The following ALCAM variants were observed in gnomAD, a reference collection of about 807,000 sequenced individuals.
ALCAM encodes the protein activated leukocyte cell adhesion molecule, also known as CD166 antigen.
A neutral mutation model predicts 70.9 loss-of-function variants in ALCAM; 30 were observed. The ratio of observed to expected loss-of-function variants is 0.42; its 90% CI spans 0.32 to 0.57. The LOEUF is 0.57. Ranked by LOEUF, ALCAM falls within the 20% of genes least tolerant of loss-of-function variation. The pLI, the probability that ALCAM is intolerant of heterozygous loss-of-function variation, is 0.11. For missense variants in ALCAM, 591 were observed against 695.1 expected (o/e 0.85, Z 1.68); for synonymous variants, 249 against 242.5 (o/e 1.03, Z -0.25).
intron 2 of ALCAM, among the ~76,000 whole-genome samples, chr3:105,521,870 G>A (rs969250888): frequency 2.6e-5 from 4 of 152,152 alleles, no homozygotes; most frequent in African/African-American, 7.2e-5. Flanking sequence ...CAGTTCACTC[G>A]AGGTAACTTT....
At chr3:105,478,376 T>G (rs1049116258) in intron 1 of ALCAM, among the ~76,000 whole-genome samples, 8 of 152,140 alleles carry the variant, frequency 5.3e-5, no homozygotes, top group African/African-American at 1.9e-4. Flanking sequence ...TACAGAATTT[T>G]ATGCATTGCC....
intron 1 of ALCAM, among the ~76,000 whole-genome samples, chr3:105,516,730 A>G (rs1213815739): frequency 1.3e-5 from 2 of 152,128 alleles, no homozygotes; most frequent in African/African-American, 4.8e-5. Flanking sequence ...TTCTAGTCCA[A>G]TTTAAAGTTT....
chr3:105,372,935 A>G (rs1320362508), intron 1 of ALCAM, among the ~76,000 whole-genome samples: 1 of 152,130 alleles, frequency 6.6e-6, no homozygotes, highest in Non-Finnish European at 1.5e-5. Context: ...TACTATGACC[A>G]TGGCAATTGC....
In ALCAM at chr3:105,576,240, T is replaced by G. The variant is rs1314761491; in HGVS notation, c.*1789T>G. ...AAAGTAAAAGGGGAAAAACCAAAGT[T>G]ATTTGTTTTGCATGGCTAAGCCATT... is the stretch of plus-strand genomic sequence containing the variant. On this transcript the variant is annotated 3_prime_UTR_variant, in exon 16 of 16. Coordinates refer to ENST00000306107, the MANE Select transcript of ALCAM (RefSeq NM_001627.4). 2 of 152,614 alleles carry G rather than the reference T, an allele frequency of 1.3e-5. No homozygotes were observed. Among genetic ancestry groups the G allele is most frequent in the East Asian group, 3.8e-4 (2 of 5,196 alleles). The allele number at this position is 152,614 out of a possible 1,614,324, so 9.5% of individuals were successfully genotyped here.
chr3:105,492,353 A>C (rs571110464), intron 1 of ALCAM, among the ~76,000 whole-genome samples: 25 of 152,358 alleles, frequency 1.6e-4, no homozygotes, highest in African/African-American at 6.0e-4. Flanking sequence ...TATCACATCT[A>C]AACCAGAAAT....
intron 3 of ALCAM, among the ~76,000 whole-genome samples, chr3:105,529,384 A>G (rs1939783495): frequency 6.6e-6 from 1 of 152,146 alleles, no homozygotes; most frequent in Non-Finnish European, 1.5e-5. Flanking sequence ...CACATAGACT[A>G]TTTTTTAACA....
chr3:105,469,835 G>A (rs1227376073), intron 1 of ALCAM, among the ~76,000 whole-genome samples: 1 of 150,702 alleles, frequency 6.6e-6, no homozygotes, highest in African/African-American at 2.4e-5. Flanking sequence ...CCCAATTGTA[G>A]TCGTAAAGGA....
At chr3:105,399,190 G>T (rs2107367753) in intron 1 of ALCAM, among the ~76,000 whole-genome samples, 1 of 152,138 alleles carries the variant, frequency 6.6e-6, no homozygotes, top group East Asian at 1.9e-4. Context: ...AAATTATTCA[G>T]ATATAGTTCA....
Position 105,395,132 on chromosome 3 carries a change from T to G in ALCAM, c.73+27651T>G, listed in dbSNP as rs910739702. ...ATGTATGATTTGACTTTTCATCAAA[T>G]GACCGCCCTGCCAACTTATTAACAA... On this transcript the variant is annotated intron_variant, in intron 1 of 15. Coordinates refer to ENST00000306107, the MANE Select transcript of ALCAM (RefSeq NM_001627.4). Among the ~76,000 whole-genome samples the G allele has an allele frequency of 3.9e-5, 6 of 151,926 alleles. No homozygotes were observed. In the East Asian group the frequency reaches 9.7e-4, roughly 25 times the overall value.
chr3:105,455,320 T>A (rs955245308), intron 1 of ALCAM, among the ~76,000 whole-genome samples: 1 of 151,368 alleles, frequency 6.6e-6, no homozygotes, highest in African/African-American at 2.4e-5. Context: ...CGGGCGCCTG[T>A]GGTCCCAGCT....
At chr3:105,486,469 A>G (rs1272023316) in intron 1 of ALCAM, among the ~76,000 whole-genome samples, 1 of 152,138 alleles carries the variant, frequency 6.6e-6, no homozygotes, top group Admixed American at 6.6e-5. Context: ...TTATCTTTAT[A>G]TTGTACTTAA....
At chr3:105,426,291 G>T (rs1053476212) in intron 1 of ALCAM, among the ~76,000 whole-genome samples, 1 of 151,744 alleles carries the variant, frequency 6.6e-6, no homozygotes, top group Non-Finnish European at 1.5e-5. Flanking sequence ...TATTTTTAAG[G>T]TTGTTGGTAC....
chr3:105,520,113 C>G lies in ALCAM; in HGVS notation c.120C>G (p.Ile40Met). The G allele has an allele frequency of 1.2e-6, 2 of 1,613,120 alleles. No individual in the cohort carries two copies. The highest frequency in any genetic ancestry group is 1.7e-6 in the Non-Finnish European group (2 of 1,179,440). The change falls in exon 2 of 16, where the codon ATC becomes ATG. Residue 40 changes from isoleucine (I) to methionine (M), a missense_variant. Coordinates refer to ENST00000306107, the MANE Select transcript of ALCAM (RefSeq NM_001627.4). ...TVNSAYGDTI[I>M]IPCRLDVPQN... ...ATTCAGCATATGGAGATACCATTAT[C>G]ATACCTTGCCGACTTGACGTACCTC...
At chr3:105,433,098 C>T (rs75806162) in intron 1 of ALCAM, among the ~76,000 whole-genome samples, 526 of 152,190 alleles carry the variant, frequency 3.5e-3, no homozygotes, top group African/African-American at 0.012. Context: ...CTTTCAGAGA[C>T]AATGAAAACT....
Position 105,552,162 on chromosome 3 carries a change from A to G in ALCAM, c.1526A>G (p.Asp509Gly). The change falls in exon 13 of 16, where the codon GAT becomes GGT. Residue 509 changes from aspartate (D) to glycine (G), a missense_variant. Transcript: ENST00000306107. ...ATTTCAGTAAGTATTCCAGAACACGATGAGGCAGACGAGATAAGTGGTAGG... is the reference window on the plus strand; with the variant it reads ...ATTTCAGTAAGTATTCCAGAACACGGTGAGGCAGACGAGATAAGTGGTAGG... The part of the protein sequence containing the change: ...NVSAISIPEH[D>G]EADEISDENR... 6.2e-7 allele frequency: 1 copy of G among 1,602,736 alleles called. No individual in the cohort carries two copies. Among genetic ancestry groups the G allele is most frequent in the South Asian group, 1.1e-5 (1 of 88,796 alleles).
intron 1 of ALCAM, among the ~76,000 whole-genome samples, chr3:105,507,517 A>G (rs895638967): frequency 1.3e-5 from 2 of 152,120 alleles, no homozygotes; most frequent in Non-Finnish European, 2.9e-5. Flanking sequence ...TTGGAATCAT[A>G]CAGTATTTAG....
At chr3:105,555,842 G>A (rs760814299) in intron 14 of ALCAM, among the ~76,000 whole-genome samples, 2 of 151,822 alleles carry the variant, frequency 1.3e-5, no homozygotes, top group Non-Finnish European at 2.9e-5. Flanking sequence ...AAGGACTCAT[G>A]ACTTTTTTGC....
chr3:105,539,353 T>C (rs944379759), intron 6 of ALCAM, among the ~76,000 whole-genome samples: 4 of 152,068 alleles, frequency 2.6e-5, no homozygotes, highest in Non-Finnish European at 4.4e-5. Flanking sequence ...TTGACCAAAA[T>C]GGAATGAAAG....
intron 1 of ALCAM, among the ~76,000 whole-genome samples, chr3:105,374,822 G>A (rs938225506): frequency 2.0e-5 from 3 of 152,102 alleles, no homozygotes; most frequent in Admixed American, 2.0e-4. Flanking sequence ...CGAGCCCAAT[G>A]TGACTTCTTA....
Sources: gnomAD v4.1 joint callset for allele counts (sites outside exome capture counted in the v4.1 genomes callset) on GRCh38, gnomAD v4.1.1 for gene constraint, MANE v1.5 for transcripts, NCBI Gene and HGNC (gene_info 2026-07-23, HGNC 2026-07-21) for gene names.